Variants in PABPC4L observed in about 807,000 individuals in gnomAD.
PABPC4L encodes poly(A) binding protein cytoplasmic 4 like, also known as polyadenylate-binding protein 4-like.
For synonymous variants in PABPC4L, 169 were observed against 164.1 expected (o/e 1.03, Z -0.23); for missense variants, 452 against 451.4 (o/e 1.00, Z -0.01).
chr4:134,081,155 A>G, the PABPC4L span, among the ~76,000 whole-genome samples: 1 of 152,210 alleles, frequency 6.6e-6, no homozygotes, highest in Admixed American at 6.5e-5. Context: ...GACTGTTACT[A>G]TACATTTAAT....
At chr4:134,178,215 G>A in the PABPC4L span, among the ~76,000 whole-genome samples, 7 of 152,048 alleles carry the variant, frequency 4.6e-5, no homozygotes, top group African/African-American at 1.7e-4. Flanking sequence ...GAGAACTCAC[G>A]AAGCAGAACA....
the PABPC4L span, among the ~76,000 whole-genome samples, chr4:133,979,427 C>T: frequency 2.8e-4 from 43 of 152,184 alleles, no homozygotes; most frequent in African/African-American, 1.0e-3. Flanking sequence ...AGAATAAGAA[C>T]ACGTTGTATA....
At chr4:134,160,272 A>G in the PABPC4L span, among the ~76,000 whole-genome samples, 1 of 152,106 alleles carries the variant, frequency 6.6e-6, no homozygotes, top group African/African-American at 2.4e-5. Flanking sequence ...CAGTGCAGAG[A>G]GAGATCCCTT....
the PABPC4L span, among the ~76,000 whole-genome samples, chr4:133,996,961 C>T: frequency 5.9e-5 from 9 of 152,170 alleles, no homozygotes; most frequent in Non-Finnish European, 1.0e-4. Context: ...TCTTTACATT[C>T]TCTTGTTATC....
the PABPC4L span, among the ~76,000 whole-genome samples, chr4:134,084,201 A>C: frequency 6.6e-6 from 1 of 152,022 alleles, no homozygotes; most frequent in Non-Finnish European, 1.5e-5. Flanking sequence ...GGCTCACAGC[A>C]CCATGCCTAG....
chr4:133,986,040 T>C, the PABPC4L span, among the ~76,000 whole-genome samples: 1 of 152,106 alleles, frequency 6.6e-6, no homozygotes, highest in African/African-American at 2.4e-5. Flanking sequence ...AATAAACTCT[T>C]ATATAATCAT....
the PABPC4L span, among the ~76,000 whole-genome samples, chr4:134,177,316 C>T: frequency 6.6e-6 from 1 of 151,744 alleles, no homozygotes; most frequent in Admixed American, 6.6e-5. Context: ...GCTGGGACTA[C>T]AGGTGCATGC....
chr4:134,184,628 C>A, the PABPC4L span, among the ~76,000 whole-genome samples: 1 of 151,962 alleles, frequency 6.6e-6, no homozygotes, highest in South Asian at 2.1e-4. Flanking sequence ...CACCACAGTA[C>A]CACAGTGTAT....
chr4:134,067,790 T>C, the PABPC4L span, among the ~76,000 whole-genome samples: 1 of 152,186 alleles, frequency 6.6e-6, no homozygotes, highest in Non-Finnish European at 1.5e-5. Flanking sequence ...TGTCCAAAAG[T>C]CATTCAAGAG....
At chr4:134,126,114 A>C in the PABPC4L span, among the ~76,000 whole-genome samples, 1 of 152,166 alleles carries the variant, frequency 6.6e-6, no homozygotes, top group African/African-American at 2.4e-5. Flanking sequence ...CTATGCACTC[A>C]AATACAGGAG....
chr4:134,060,556 A>G, the PABPC4L span, among the ~76,000 whole-genome samples: 1 of 151,724 alleles, frequency 6.6e-6, no homozygotes, highest in Admixed American at 6.6e-5. Flanking sequence ...CACCCATTCC[A>G]TGCCCTAGAT....
the PABPC4L span, among the ~76,000 whole-genome samples, chr4:134,005,070 A>C: frequency 6.6e-6 from 1 of 151,970 alleles, no homozygotes; most frequent in Non-Finnish European, 1.5e-5. Context: ...TAATAATGAT[A>C]ATGTAAATGT....
At chr4:134,185,685 A>G in the PABPC4L span, among the ~76,000 whole-genome samples, 2 of 152,154 alleles carry the variant, frequency 1.3e-5, no homozygotes, top group Non-Finnish European at 2.9e-5. Context: ...AGTTCTGGCC[A>G]GGGCAATCAG....
the PABPC4L span, among the ~76,000 whole-genome samples, chr4:134,016,275 G>T: frequency 1.3e-5 from 2 of 152,072 alleles, no homozygotes; most frequent in African/African-American, 4.8e-5. Context: ...AGGACTAAAC[G>T]TCAATATTTA....
chr4:133,970,261 C>G, the PABPC4L span, among the ~76,000 whole-genome samples: 3 of 152,004 alleles, frequency 2.0e-5, no homozygotes, highest in African/African-American at 7.2e-5. Context: ...TGGCCAATTT[C>G]TTTTTAGTGT....
chr4:134,113,471 C>A, the PABPC4L span, among the ~76,000 whole-genome samples: 1 of 151,862 alleles, frequency 6.6e-6, no homozygotes, highest in African/African-American at 2.4e-5. Flanking sequence ...CAATAACATT[C>A]TGTACAGGTT....
At chr4:134,057,032 T>C in the PABPC4L span, among the ~76,000 whole-genome samples, 1 of 152,124 alleles carries the variant, frequency 6.6e-6, no homozygotes, top group African/African-American at 2.4e-5. Context: ...TTGTATACTT[T>C]ATCAAGATGA....
the PABPC4L span, chr4:133,977,975 C>G: frequency 6.6e-6 from 1 of 152,136 alleles, no homozygotes. Context: ...CCTTCTTGCT[C>G]AAGGGTAGTG....
chr4:133,949,104 TTG>T, the PABPC4L span, among the ~76,000 whole-genome samples: 1 of 152,162 alleles, frequency 6.6e-6, no homozygotes, highest in East Asian at 1.9e-4. Flanking sequence ...ATTTTCACAG[TTG>T]TGTGGCATGG....
Sources: allele counts gnomAD v4.1 joint callset (sites outside exome capture counted in the v4.1 genomes callset), GRCh38; gene constraint gnomAD v4.1.1; transcripts MANE v1.5; gene names NCBI Gene and HGNC (gene_info 2026-07-23, HGNC 2026-07-21).